Variants in MGRN1 observed in about 807,000 individuals in gnomAD.
MGRN1 encodes E3 ubiquitin-protein ligase MGRN1.
MGRN1 carries 29 observed loss-of-function variants against 69.2 expected under a neutral mutation model. The ratio of observed to expected loss-of-function variants is 0.42; its 90% CI spans 0.31 to 0.57. The LOEUF (loss-of-function observed/expected upper bound fraction) is 0.57, where lower values mean the gene tolerates loss of function less well. Ranked by LOEUF, MGRN1 falls within the 20% of genes least tolerant of loss-of-function variation. MGRN1 has a pLI of 0.15. For synonymous variants in MGRN1, 470 were observed against 344.2 expected (o/e 1.37, Z -4.04); for missense variants, 998 against 796.2 (o/e 1.25, Z -3.05).
intron 1 of MGRN1, among the ~76,000 whole-genome samples, chr16:4,647,005 G>A (rs924873660): frequency 6.6e-6 from 1 of 152,224 alleles, no homozygotes. Flanking sequence ...GTACGTCAGC[G>A]CTGGGGAGAG....
intron 1 of MGRN1, among the ~76,000 whole-genome samples, chr16:4,626,903 C>T (rs1684607): frequency 2.0e-5 from 3 of 152,204 alleles, no homozygotes; most frequent in Non-Finnish European, 4.4e-5. Context: ...CAGTGTTCTG[C>T]GCCCATCCAG....
chr16:4,640,622 C>T (rs2078137048), intron 1 of MGRN1: 1 of 152,286 alleles, frequency 6.6e-6, no homozygotes, highest in African/African-American at 2.4e-5. Flanking sequence ...TGTGTTGGTT[C>T]CACATAGCCG....
At chr16:4,667,387 G>C (rs1330891629) in intron 7 of MGRN1, among the ~76,000 whole-genome samples, 2 of 152,194 alleles carry the variant, frequency 1.3e-5, no homozygotes, top group Non-Finnish European at 2.9e-5. Context: ...CAAGTGCCCT[G>C]GGCAGAGGGC....
At chr16:4,643,788 A>G (rs557082441) in intron 1 of MGRN1, among the ~76,000 whole-genome samples, 14 of 152,322 alleles carry the variant, frequency 9.2e-5, no homozygotes, top group South Asian at 4.1e-4. Flanking sequence ...TTGAATGGCC[A>G]TTACTAATAC....
At chr16:4,664,831 C>G (rs549631131) in intron 6 of MGRN1, 56 bp downstream of exon 6, 1 of 1,595,298 alleles carries the variant, frequency 6.3e-7, no homozygotes, top group Non-Finnish European at 8.6e-7. Flanking sequence ...GGAGGAAGCA[C>G]GTCTTGAGGG....
At chr16:4,641,077 C>T (rs1035297823) in intron 1 of MGRN1, among the ~76,000 whole-genome samples, 2 of 152,226 alleles carry the variant, frequency 1.3e-5, no homozygotes, top group Non-Finnish European at 2.9e-5. Flanking sequence ...TTCCCACTTC[C>T]CACTCACAGT....
At chr16:4,676,092 G>C (rs1377121846) in intron 10 of MGRN1, among the ~76,000 whole-genome samples, 2 of 152,256 alleles carry the variant, frequency 1.3e-5, no homozygotes, top group Non-Finnish European at 2.9e-5. Flanking sequence ...GGCTGTGCGA[G>C]GATGCTGGTC....
At chr16:4,677,699 CCATGGATGGCTGT>C in intron 11 of MGRN1, 127 bp downstream of exon 11, 1 of 869,148 alleles carries the variant, frequency 1.2e-6, no homozygotes, top group Non-Finnish European at 1.7e-6. Context: ...GGCATGGCCC[CCATGGATGGCTGT>C]GAGGCATGAA....
chr16:4,666,727 T>G (rs571164854), intron 7 of MGRN1, among the ~76,000 whole-genome samples: 1 of 152,316 alleles, frequency 6.6e-6, no homozygotes. Flanking sequence ...ACTCTGACCC[T>G]GCAGGCTGGG....
At chr16:4,653,172 C>A (rs28408726) in intron 4 of MGRN1, among the ~76,000 whole-genome samples, 10 of 152,152 alleles carry the variant, frequency 6.6e-5, no homozygotes, top group African/African-American at 2.4e-4. Flanking sequence ...ATCAGGCTCC[C>A]ACAGTCCCCT....
chr16:4,641,629 C>T (rs1212523666), intron 1 of MGRN1, among the ~76,000 whole-genome samples: 4 of 151,750 alleles, frequency 2.6e-5, no homozygotes, highest in Non-Finnish European at 4.4e-5. Flanking sequence ...AGTGATTCTC[C>T]TGCCTTAGCC....
intron 7 of MGRN1, among the ~76,000 whole-genome samples, chr16:4,666,206 C>T (rs2078802519): frequency 6.6e-6 from 1 of 152,110 alleles, no homozygotes; most frequent in East Asian, 1.9e-4. Flanking sequence ...CAGCTCGCTG[C>T]AGCCTTGACC....
chr16:4,663,437 G>T (rs1416618849), intron 5 of MGRN1, among the ~76,000 whole-genome samples: 3 of 137,482 alleles, frequency 2.2e-5, no homozygotes, highest in Admixed American at 8.4e-5. Context: ...GCTCACTCGT[G>T]TTAAGCGAAT....
At chr16:4,653,976 G>A (rs56131424) in intron 4 of MGRN1, among the ~76,000 whole-genome samples, 1,737 of 152,108 alleles carry the variant, frequency 0.011, 33 homozygotes, top group African/African-American at 0.039. Context: ...GGTCTCAATC[G>A]CTCGACCTCA....
rs1469588965 is a variant in MGRN1 at position 4,690,887 on chromosome 16, C to T, written c.*1979C>T. The T allele has an allele frequency of 6.6e-6, 1 of 151,684 alleles. No individual in the cohort carries two copies. Among genetic ancestry groups the T allele is most frequent in the Non-Finnish European group, 1.5e-5 (1 of 67,926 alleles). The allele number at this position is 151,684 out of a possible 1,614,324, so 9.4% of individuals were successfully genotyped here. On this transcript the variant is annotated 3_prime_UTR_variant, in exon 17 of 17. Coordinates refer to ENST00000262370, the MANE Select transcript of MGRN1 (RefSeq NM_015246.4). ...GCCGCAGAGTGGCCCGCTGGGACTC[C>T]CATGTGCTGCCGTCTGATGTGCTCA...
intron 11 of MGRN1, among the ~76,000 whole-genome samples, chr16:4,678,941 A>C (rs888294232): frequency 6.6e-6 from 1 of 152,262 alleles, no homozygotes; most frequent in East Asian, 1.9e-4. Flanking sequence ...AATGGGGTCA[A>C]TGTTTAAAAG....
At chr16:4,657,587 G>A (rs914341699) in intron 5 of MGRN1, among the ~76,000 whole-genome samples, 4 of 152,160 alleles carry the variant, frequency 2.6e-5, no homozygotes, top group East Asian at 1.9e-4. Flanking sequence ...CCAGGCAGCC[G>A]CACTCGGAGG....
intron 4 of MGRN1, 39 bp from the exon 5 acceptor site, chr16:4,657,206 TC>T (rs778672002): frequency 1.1e-5 from 17 of 1,588,906 alleles, no homozygotes; most frequent in South Asian, 2.2e-5. Context: ...AGGGCCCTCT[TC>T]CTGCCGCAGC....
chr16:4,684,022 G>A, intron 16 of MGRN1, 90 bp downstream of exon 16: 1 of 1,139,892 alleles, frequency 8.8e-7, no homozygotes, highest in Non-Finnish European at 1.3e-6. Context: ...GTGCATAGCA[G>A]CAGAGGCTGT....
Sources: allele counts gnomAD v4.1 joint callset (sites outside exome capture counted in the v4.1 genomes callset), GRCh38; gene constraint gnomAD v4.1.1; transcripts MANE v1.5; gene names NCBI Gene and HGNC (gene_info 2026-07-23, HGNC 2026-07-21).